Variants in DMD observed in about 807,000 individuals in gnomAD.
DMD encodes mutant dystrophin.
In DMD, 63 loss-of-function variants were observed where a neutral mutation model predicts 330.1. The ratio of observed to expected loss-of-function variants is 0.19; its 90% CI spans 0.16 to 0.24. The LOEUF is 0.24. Among genes scored for constraint, DMD ranks in the 10% least tolerant of loss-of-function variants. The pLI, the probability that DMD is intolerant of heterozygous loss-of-function variation, is 1.00. For missense variants in DMD, 3,344 were observed against 2,684.1 expected, an observed-to-expected ratio of 1.25 and a Z score of -5.43; for synonymous variants, 1,223 against 959.8, an observed-to-expected ratio of 1.27 and a Z score of -5.07.
chrX:33,082,599 A>G (rs1281505339), intron 1 of DMD, among the ~76,000 whole-genome samples: 2 of 112,557 alleles, frequency 1.8e-5, no homozygotes, highest in Non-Finnish European at 3.7e-5. Flanking sequence ...TGCTTTTCCC[A>G]GAAGGAGCCT....
chrX:32,018,372 C>G (rs748274273), intron 44 of DMD, among the ~76,000 whole-genome samples: 1 of 111,551 alleles, frequency 9.0e-6, no homozygotes, highest in South Asian at 3.8e-4. Flanking sequence ...GGGCCTGCCA[C>G]TCTGGTCACT....
At chrX:33,065,557 C>T (rs947021779) in intron 1 of DMD, among the ~76,000 whole-genome samples, 1 of 109,468 alleles carries the variant, frequency 9.1e-6, no homozygotes, top group Non-Finnish European at 1.9e-5. Context: ...GTACATGCTG[C>T]CTACTGGCAC....
chrX:32,746,050 C>T (rs1190994380), intron 7 of DMD, among the ~76,000 whole-genome samples: 2 of 111,996 alleles, frequency 1.8e-5, no homozygotes, highest in Non-Finnish European at 3.8e-5. Flanking sequence ...AATCATATTC[C>T]AACAAGTTGT....
At chrX:32,343,955 A>T (rs1205058883) in intron 39 of DMD, among the ~76,000 whole-genome samples, 6 of 112,154 alleles carry the variant, frequency 5.3e-5, no homozygotes, top group Non-Finnish European at 9.4e-5. Context: ...AGCCACATTT[A>T]TCTTACTATA....
chrX:33,125,865 A>G (rs1603322338), intron 1 of DMD, among the ~76,000 whole-genome samples: 1 of 110,892 alleles, frequency 9.0e-6, no homozygotes, highest in East Asian at 2.8e-4. Flanking sequence ...ATAATAGACT[A>G]AAACTTTACA....
intron 44 of DMD, among the ~76,000 whole-genome samples, chrX:32,107,362 GTGTGTGTGTGTC>G (rs201375303): frequency 0.039 from 3,883 of 99,253 alleles, 119 homozygotes; most frequent in East Asian, 0.21. Flanking sequence ...GTGTGTGTGT[GTGTGTGTGTGTC>G]TCTGTGTGTG....
intron 43 of DMD, among the ~76,000 whole-genome samples, chrX:32,259,906 G>A (rs2148267549): frequency 9.0e-6 from 1 of 111,461 alleles, no homozygotes; most frequent in South Asian, 3.8e-4. Flanking sequence ...AGGAGTTGGA[G>A]ATCATCTCCT....
intron 7 of DMD, among the ~76,000 whole-genome samples, chrX:32,701,479 C>T (rs6631632): frequency 9.0e-6 from 1 of 111,061 alleles, no homozygotes. Flanking sequence ...ATTCTGAAGC[C>T]TAGAAATCTC....
At chrX:32,386,191 T>G in intron 33 of DMD, 119 bp downstream of exon 33, 2 of 735,372 alleles carry the variant, frequency 2.7e-6, no homozygotes, top group Non-Finnish European at 4.3e-6. Context: ...TACATATACA[T>G]AGAGAGAGAG....
At chrX:33,088,731 T>G (rs1331472240) in intron 1 of DMD, among the ~76,000 whole-genome samples, 1 of 112,124 alleles carries the variant, frequency 8.9e-6, no homozygotes, top group Non-Finnish European at 1.9e-5. Context: ...TTAAATATTT[T>G]TATAATTCTG....
intron 16 of DMD, among the ~76,000 whole-genome samples, chrX:32,563,964 A>G (rs773732930): frequency 1.8e-5 from 2 of 111,791 alleles, no homozygotes; most frequent in Non-Finnish European, 3.8e-5. Flanking sequence ...TCACCCAGGT[A>G]TTAAGCCCAG....
At chrX:32,725,486 T>G (rs188179285) in intron 7 of DMD, among the ~76,000 whole-genome samples, 3,342 of 107,719 alleles carry the variant, frequency 0.031, 125 homozygotes, top group African/African-American at 0.11. Flanking sequence ...ACAGCAGGAG[T>G]GGCTGTACTT....
chrX:33,111,143 T>C (rs893164571), intron 1 of DMD, among the ~76,000 whole-genome samples: 7 of 110,998 alleles, frequency 6.3e-5, no homozygotes, highest in African/African-American at 1.6e-4. Context: ...GCTGATAACA[T>C]TGTCATACTC....
chrX:31,395,076 C>T (rs1602447831), intron 60 of DMD, among the ~76,000 whole-genome samples: 1 of 109,865 alleles, frequency 9.1e-6, no homozygotes, highest in Middle Eastern at 4.6e-3. Flanking sequence ...TCGCTTTCCC[C>T]ATATTTCTTG....
chrX:31,729,674 G>A lies in DMD; in HGVS notation c.7617C>T (p.Asn2539=), dbSNP rs1393221231. The change falls in exon 52 of 79, where the codon AAC becomes AAT. Residue 2539 remains asparagine, a synonymous_variant. Coordinates refer to ENST00000357033, the MANE Select transcript of DMD (RefSeq NM_004006.3). ...TTCTAGCCTCTTGATTGCTGGTCTT[G>A]TTTTTCAAATTTTGGGCAGCGGTAA... The part of the protein sequence containing the change: ...ELITAAQNLK[N]KTSNQEARTI... The A allele has an allele frequency of 8.3e-7, 1 of 1,211,659 alleles. No homozygotes were observed. Among genetic ancestry groups the A allele is most frequent in the Middle Eastern group, 2.3e-4 (1 of 4,354 alleles).
intron 1 of DMD, among the ~76,000 whole-genome samples, chrX:33,126,437 A>G (rs1245816937): frequency 1.8e-5 from 2 of 111,254 alleles, no homozygotes; most frequent in African/African-American, 6.5e-5. Context: ...CCCACTTCAG[A>G]AGGACTGAAT....
Position 31,121,280 on chromosome X carries a change from A to T in DMD, c.*639T>A, listed in dbSNP as rs1317916686. 1.8e-5 allele frequency: 2 copies of T among 113,422 alleles called. No individual in the cohort carries two copies. The highest frequency in any genetic ancestry group is 3.7e-5 in the Non-Finnish European group (2 of 54,241). The allele number at this position is 113,422 out of a possible 1,213,427, so 9.3% of individuals were successfully genotyped here. A position where few individuals can be genotyped will look rare whatever the true frequency, so the allele number is the denominator to read the frequency against. ...AACTCAAGCCTGCCCCACTCAGCTG[A>T]CAGTTCTCAAATGAGCAGTGTGTAG... On this transcript the variant is annotated 3_prime_UTR_variant, in exon 79 of 79. Coordinates refer to ENST00000357033, the MANE Select transcript of DMD (RefSeq NM_004006.3).
At chrX:32,908,473 C>T (rs1046477692) in intron 2 of DMD, among the ~76,000 whole-genome samples, 9 of 112,010 alleles carry the variant, frequency 8.0e-5, no homozygotes, top group African/African-American at 2.3e-4. Context: ...GAACGTAAAA[C>T]GGAAGTGCTA....
chrX:32,085,577 T>C (rs1415931121), intron 44 of DMD, among the ~76,000 whole-genome samples: 1 of 105,812 alleles, frequency 9.5e-6, no homozygotes, highest in African/African-American at 3.5e-5. Flanking sequence ...CATATATATA[T>C]ATACACACAC....
Sources: allele counts gnomAD v4.1 joint callset (sites outside exome capture counted in the v4.1 genomes callset), GRCh38; gene constraint gnomAD v4.1.1; transcripts MANE v1.5; gene names NCBI Gene and HGNC (gene_info 2026-07-23, HGNC 2026-07-21).